EXOC4: variants seen among roughly 807,000 people sequenced by gnomAD.
EXOC4 encodes the protein SEC8-like 1.
EXOC4 carries 71 observed loss-of-function variants against 107.2 expected under a neutral mutation model. That is an observed-to-expected ratio of 0.66 (90% CI 0.55 to 0.81). EXOC4 has a LOEUF of 0.81. EXOC4 is among the 30% of genes least tolerant of loss of function. The pLI is 0.00. For synonymous variants in EXOC4, 456 were observed against 441.2 expected, an observed-to-expected ratio of 1.03 and a Z score of -0.42; for missense variants, 1,108 against 1,189.6, an observed-to-expected ratio of 0.93 and a Z score of 1.01.
chr7:133,259,052 G>C (rs899756375), intron 1 of EXOC4, among the ~76,000 whole-genome samples: 5 of 152,078 alleles, frequency 3.3e-5, no homozygotes, highest in African/African-American at 1.2e-4. Context: ...TAGGAACATT[G>C]TCCAGCAATC....
At chr7:133,447,113 T>G (rs1430846978) in intron 7 of EXOC4, among the ~76,000 whole-genome samples, 1 of 152,200 alleles carries the variant, frequency 6.6e-6, no homozygotes, top group African/African-American at 2.4e-5. Context: ...TTTGAGTGAT[T>G]CTGACCAAGT....
intron 9 of EXOC4, chr7:133,480,744 AAATGT>A (rs1799135063): frequency 6.6e-6 from 1 of 152,218 alleles, no homozygotes. Context: ...CTGATCATGT[AAATGT>A]AATGAGTTAA....
At chr7:133,668,071 A>G (rs1270480437) in intron 10 of EXOC4, among the ~76,000 whole-genome samples, 2 of 152,322 alleles carry the variant, frequency 1.3e-5, no homozygotes, top group East Asian at 3.9e-4. Flanking sequence ...TTCATGCTCT[A>G]CAGACAAATA....
intron 10 of EXOC4, among the ~76,000 whole-genome samples, chr7:133,816,167 CT>C (rs1436024197): frequency 5.9e-5 from 9 of 152,280 alleles, no homozygotes; most frequent in African/African-American, 2.2e-4. Flanking sequence ...ACTTTAGTTA[CT>C]TAAGTTTAAT....
At chr7:133,561,924 T>A (rs1338258915) in intron 9 of EXOC4, among the ~76,000 whole-genome samples, 1 of 152,212 alleles carries the variant, frequency 6.6e-6, no homozygotes, top group East Asian at 1.9e-4. Flanking sequence ...CAGGTAAATA[T>A]CTTACTTGGT....
intron 10 of EXOC4, among the ~76,000 whole-genome samples, chr7:133,795,617 G>T (rs186928342): frequency 6.6e-6 from 1 of 152,262 alleles, no homozygotes; most frequent in Admixed American, 6.5e-5. Flanking sequence ...TTCTTTCTGT[G>T]ACATCATATT....
intron 3 of EXOC4, among the ~76,000 whole-genome samples, chr7:133,297,603 C>T (rs1293333068): frequency 6.6e-6 from 1 of 152,090 alleles, no homozygotes; most frequent in African/African-American, 2.4e-5. Flanking sequence ...CAGATACTTA[C>T]CTGTCTACTT....
intron 7 of EXOC4, among the ~76,000 whole-genome samples, chr7:133,389,570 CAAAAAA>C (rs1202921998): frequency 1.3e-3 from 21 of 16,388 alleles, no homozygotes; most frequent in Non-Finnish European, 1.3e-3. Flanking sequence ...TGAAACTCCT[CAAAAAA>C]AAAAAAAAAA....
rs549798031 is a variant in EXOC4 at position 133,573,303 on chromosome 7, T to C, written c.1418-56742T>C. ...GTTCTGGAGAGGTGAATTGACTAGC[T>C]ATTGACAGAGATAAATAGGCACCAG... On this transcript the variant is annotated intron_variant, in intron 9 of 17. Coordinates refer to ENST00000253861, the MANE Select transcript of EXOC4 (RefSeq NM_021807.4). Among the ~76,000 whole-genome samples the C allele has an allele frequency of 3.8e-4, 58 of 152,336 alleles. 1 individual carries two copies. Among genetic ancestry groups the C allele is most frequent in the African/African-American group, 1.4e-3 (58 of 41,578 alleles).
In EXOC4 at chr7:133,853,793, G is replaced by A. The variant is rs114578149; in HGVS notation, c.1734+36249G>A. On this transcript the variant is annotated intron_variant, in intron 11 of 17. Transcript: ENST00000253861. ...GTCTCTATAGTGATCCTATTCTAGA[G>A]ACATTTCCCCCCTCTTCTGGACAGA... Among the ~76,000 whole-genome samples the A allele has an allele frequency of 4.8e-3, 733 of 152,206 alleles. 3 individuals are homozygous for A. Among genetic ancestry groups the A allele is most frequent in the Middle Eastern group, 0.017 (5 of 294 alleles).
chr7:133,779,167 G>A (rs192912054), intron 10 of EXOC4, among the ~76,000 whole-genome samples: 132 of 152,268 alleles, frequency 8.7e-4, no homozygotes, highest in Non-Finnish European at 1.5e-3. Context: ...AAGTTGTATT[G>A]GAAAGGTAAT....
intron 17 of EXOC4, among the ~76,000 whole-genome samples, chr7:134,008,489 T>TC (rs1200468030): frequency 1.3e-5 from 2 of 152,186 alleles, no homozygotes; most frequent in Non-Finnish European, 2.9e-5. Context: ...TCCCTTTTTT[T>TC]CTCTCATTGT....
intron 9 of EXOC4, among the ~76,000 whole-genome samples, chr7:133,508,283 G>C (rs931205784): frequency 2.6e-5 from 4 of 152,116 alleles, no homozygotes; most frequent in Non-Finnish European, 5.9e-5. Context: ...GAGGTCTTGT[G>C]AACACAGCTT....
intron 10 of EXOC4, among the ~76,000 whole-genome samples, chr7:133,724,822 ATGTGC>A (rs1231218140): frequency 6.6e-6 from 1 of 152,224 alleles, no homozygotes; most frequent in African/African-American, 2.4e-5. Flanking sequence ...TGAAAGAAGC[ATGTGC>A]TTGGCATTTG....
chr7:133,269,090 T>C (rs1410408472), intron 1 of EXOC4, among the ~76,000 whole-genome samples: 1 of 152,220 alleles, frequency 6.6e-6, no homozygotes, highest in Non-Finnish European at 1.5e-5. Context: ...TTGGCAACTT[T>C]ATGCCATTTG....
intron 9 of EXOC4, among the ~76,000 whole-genome samples, chr7:133,590,118 G>A (rs912583647): frequency 3.3e-5 from 5 of 151,844 alleles, no homozygotes; most frequent in African/African-American, 4.8e-5. Context: ...TCTAAGTCTC[G>A]AATTTCCGAT....
At chr7:134,036,670 T>G (rs1795398001) in intron 17 of EXOC4, among the ~76,000 whole-genome samples, 1 of 152,238 alleles carries the variant, frequency 6.6e-6, no homozygotes, top group South Asian at 2.1e-4. Flanking sequence ...ATTCATAGAT[T>G]CTAGAAGTTT....
chr7:133,307,096 C>T (rs1050482007), intron 4 of EXOC4, among the ~76,000 whole-genome samples: 1 of 152,144 alleles, frequency 6.6e-6, no homozygotes, highest in Non-Finnish European at 1.5e-5. Context: ...CAGATATAGA[C>T]AAGAAGAGCA....
At chr7:133,766,953 A>G (rs1469554953) in intron 10 of EXOC4, among the ~76,000 whole-genome samples, 1 of 151,826 alleles carries the variant, frequency 6.6e-6, no homozygotes, top group South Asian at 2.1e-4. Context: ...TTCTACCTCT[A>G]CAGATATCTT....
Sources: allele counts gnomAD v4.1 joint callset (sites outside exome capture counted in the v4.1 genomes callset), GRCh38; gene constraint gnomAD v4.1.1; transcripts MANE v1.5; gene names NCBI Gene and HGNC (gene_info 2026-07-23, HGNC 2026-07-21).